The following CDC42SE2 variants were observed in gnomAD, a reference collection of about 807,000 sequenced individuals.
CDC42SE2 encodes the protein CDC42 small effector protein 2.
A neutral mutation model predicts 11.5 loss-of-function variants in CDC42SE2; 3 were observed. The observed-to-expected ratio is 0.26, with a 90% CI of 0.12 to 0.67. The LOEUF is 0.67. Among genes scored for constraint, CDC42SE2 ranks in the 30% least tolerant of loss-of-function variants. The pLI is 0.80. For synonymous variants in CDC42SE2, 33 were observed against 34.8 expected, an observed-to-expected ratio of 0.95 and a Z score of 0.18; for missense variants, 82 against 106.8, an observed-to-expected ratio of 0.77 and a Z score of 1.02.
chr5:131,322,362 T>C (rs1262567724), intron 2 of CDC42SE2, among the ~76,000 whole-genome samples: 5 of 152,222 alleles, frequency 3.3e-5, no homozygotes, highest in Admixed American at 6.5e-5. Context: ...CCACATACTT[T>C]ATGATTCTAT....
chr5:131,346,471 C>T (rs1758847184), intron 2 of CDC42SE2, among the ~76,000 whole-genome samples: 1 of 152,212 alleles, frequency 6.6e-6, no homozygotes, highest in Non-Finnish European at 1.5e-5. Context: ...AATATATGTG[C>T]ATCTAATACA....
chr5:131,321,384 G>T (rs1249249263), intron 2 of CDC42SE2, among the ~76,000 whole-genome samples: 1 of 152,084 alleles, frequency 6.6e-6, no homozygotes, highest in Non-Finnish European at 1.5e-5. Context: ...ATATTAGCTG[G>T]GTGTAGTGGC....
intron 3 of CDC42SE2, among the ~76,000 whole-genome samples, chr5:131,372,688 G>C (rs1312567949): frequency 1.3e-5 from 2 of 151,812 alleles, no homozygotes; most frequent in Non-Finnish European, 2.9e-5. Context: ...ACTCCTGCCT[G>C]GGTGACAGAG....
At chr5:131,371,176 A>C (rs924500107) in intron 3 of CDC42SE2, among the ~76,000 whole-genome samples, 1 of 152,196 alleles carries the variant, frequency 6.6e-6, no homozygotes, top group Non-Finnish European at 1.5e-5. Flanking sequence ...ACAGTTTTAG[A>C]AGCACTTTTT....
chr5:131,392,300 A>ATTTGTTTGTTTG lies in CDC42SE2; in HGVS notation c.*1214_*1225dup, dbSNP rs550237983. ...ACCCACAAGCACAATGATCATTTTT[A>ATTTGTTTGTTTG]TTTGTTTGTTTGTTTGAAACTTCAG... On this transcript the variant is annotated 3_prime_UTR_variant, in exon 5 of 5. Transcript: ENST00000505065. 6.6e-6 allele frequency: 1 copy of ATTTGTTTGTTTG among 152,652 alleles called. No homozygotes were observed. Among genetic ancestry groups the ATTTGTTTGTTTG allele is most frequent in the Non-Finnish European group, 1.5e-5 (1 of 68,020 alleles). The allele number at this position is 152,652 out of a possible 1,614,324, so 9.5% of individuals were successfully genotyped here.
chr5:131,303,689 T>A (rs566720352), intron 1 of CDC42SE2, among the ~76,000 whole-genome samples: 1 of 152,250 alleles, frequency 6.6e-6, no homozygotes, highest in African/African-American at 2.4e-5. Flanking sequence ...ATTCCACTTT[T>A]AGGCAGCAGT....
intron 1 of CDC42SE2, among the ~76,000 whole-genome samples, chr5:131,266,356 T>C (rs1312009912): frequency 6.6e-6 from 1 of 152,156 alleles, no homozygotes; most frequent in East Asian, 1.9e-4. Flanking sequence ...GTGGGCTGTT[T>C]TGACTGTTAA....
chr5:131,260,484 G>A (rs1036718990), upstream of CDC42SE2, among the ~76,000 whole-genome samples: 8 of 151,594 alleles, frequency 5.3e-5, no homozygotes, highest in Non-Finnish European at 8.8e-5. Flanking sequence ...TTAGCCAGGC[G>A]TGGTGGTGGG....
intron 2 of CDC42SE2, among the ~76,000 whole-genome samples, chr5:131,320,571 A>G (rs765856940): frequency 1.3e-5 from 2 of 151,968 alleles, no homozygotes; most frequent in African/African-American, 2.4e-5. Flanking sequence ...GTGAAACCCC[A>G]TATCTGCTAA....
At chr5:131,311,932 C>G (rs1307245383) in intron 1 of CDC42SE2, among the ~76,000 whole-genome samples, 1 of 152,194 alleles carries the variant, frequency 6.6e-6, no homozygotes. Context: ...CTGAAGCCTT[C>G]TTCACTCAGC....
intron 1 of CDC42SE2, among the ~76,000 whole-genome samples, chr5:131,306,734 A>G (rs1460203321): frequency 6.6e-6 from 1 of 152,154 alleles, no homozygotes; most frequent in East Asian, 1.9e-4. Flanking sequence ...ATGGGATACC[A>G]TTATATTTAT....
chr5:131,360,288 T>C (rs1291806316), intron 3 of CDC42SE2, among the ~76,000 whole-genome samples: 1 of 152,186 alleles, frequency 6.6e-6, no homozygotes, highest in East Asian at 1.9e-4. Flanking sequence ...GCCTGGCTAA[T>C]TTTGTACTTT....
intron 2 of CDC42SE2, among the ~76,000 whole-genome samples, chr5:131,257,983 T>C (rs938755940): frequency 6.6e-6 from 1 of 152,116 alleles, no homozygotes; most frequent in Non-Finnish European, 1.5e-5. Flanking sequence ...CGGGGAGAAG[T>C]ATCCTCTCCT....
chr5:131,353,357 C>T (rs1749410924), intron 2 of CDC42SE2, among the ~76,000 whole-genome samples: 2 of 151,600 alleles, frequency 1.3e-5, no homozygotes, highest in Admixed American at 6.6e-5. Context: ...TCCCAGCTCA[C>T]TGCAATCTCC....
intron 2 of CDC42SE2, among the ~76,000 whole-genome samples, chr5:131,343,336 C>T (rs980665423): frequency 1.3e-5 from 2 of 152,156 alleles, no homozygotes; most frequent in Non-Finnish European, 2.9e-5. Flanking sequence ...CTATAATACA[C>T]TGAAAACCTG....
chr5:131,284,148 T>C (rs1469134805), intron 1 of CDC42SE2, among the ~76,000 whole-genome samples: 1 of 152,230 alleles, frequency 6.6e-6, no homozygotes, highest in African/African-American at 2.4e-5. Context: ...ATGTTCAAGG[T>C]TTATCCATGT....
intron 4 of CDC42SE2, among the ~76,000 whole-genome samples, chr5:131,388,595 T>C (rs997120194): frequency 1.3e-5 from 2 of 152,218 alleles, no homozygotes; most frequent in Non-Finnish European, 2.9e-5. Flanking sequence ...ACTACCCTCT[T>C]TCCAGAAAAG....
intron 3 of CDC42SE2, among the ~76,000 whole-genome samples, chr5:131,374,138 A>C (rs1373371062): frequency 6.6e-6 from 1 of 152,002 alleles, no homozygotes; most frequent in Non-Finnish European, 1.5e-5. Flanking sequence ...CAAAACAAAA[A>C]ACAGTAGTCT....
chr5:131,248,688 G>A (rs941312883), intron 1 of CDC42SE2, among the ~76,000 whole-genome samples: 2 of 152,092 alleles, frequency 1.3e-5, no homozygotes, highest in African/African-American at 2.4e-5. Flanking sequence ...AAAACATAAA[G>A]AGAATAAACT....
Sources: allele counts gnomAD v4.1 joint callset (sites outside exome capture counted in the v4.1 genomes callset), GRCh38; gene constraint gnomAD v4.1.1; transcripts MANE v1.5; gene names NCBI Gene and HGNC (gene_info 2026-07-23, HGNC 2026-07-21).